Variants in SMARCA2 observed in about 807,000 individuals in gnomAD.
SMARCA2 encodes the protein SWI/SNF-related matrix-associated actin-dependent regulator of chromatin subfamily A member 2.
In SMARCA2, 61 loss-of-function variants were observed where a neutral mutation model predicts 199.8. The observed-to-expected ratio is 0.31, with a 90% CI of 0.25 to 0.38. The LOEUF is 0.38. Among genes scored for constraint, SMARCA2 ranks in the 10% least tolerant of loss-of-function variants. The pLI, the probability that SMARCA2 is intolerant of heterozygous loss-of-function variation, is 1.00. For synonymous variants in SMARCA2, 935 were observed against 732.0 expected, an observed-to-expected ratio of 1.28 and a Z score of -4.48; for missense variants, 1,344 against 2,012.2, an observed-to-expected ratio of 0.67 and a Z score of 6.35.
intron 27 of SMARCA2, among the ~76,000 whole-genome samples, chr9:2,154,434 T>C (rs987089155): frequency 1.3e-5 from 2 of 152,220 alleles, no homozygotes; most frequent in African/African-American, 2.4e-5. Context: ...TTTACGTGTT[T>C]TCCTCTCTCA....
At chr9:2,182,418 A>G (rs1586807338) in intron 31 of SMARCA2, among the ~76,000 whole-genome samples, 176 bp downstream of exon 31, 1 of 148,256 alleles carries the variant, frequency 6.7e-6, no homozygotes, top group Non-Finnish European at 1.5e-5. Flanking sequence ...GCATCTGCAG[A>G]TTACCTTTGT....
Position 2,160,093 on chromosome 9 carries a change from G to A in SMARCA2, c.3982-1593G>A, listed in dbSNP as rs1253398878. The A allele has an allele frequency of 9.7e-6, 7 of 721,776 alleles. No individual in the cohort carries two copies. The East Asian group carries it at 1.1e-4, about 11-fold the overall frequency. 44.7% of individuals were successfully genotyped at this position (721,776 alleles called of 1,614,324 possible). A position where few individuals can be genotyped will look rare whatever the true frequency, so the allele number is the denominator to read the frequency against. On this transcript the variant is annotated intron_variant, in intron 27 of 33. Transcript: ENST00000349721. ...GCTGTATTTATTATTAGCATGTTCA[G>A]CCTCCAAGATATGCGGGACAATTTC...
Position 2,179,593 on chromosome 9 carries a change from A to G in SMARCA2, c.4254-1978A>G, listed in dbSNP as rs998141827. On this transcript the variant is annotated intron_variant, in intron 29 of 33. Transcript: ENST00000349721. ...TACTGAAGACAGAGATGTCATACCTAGATTGTTTTAGCCTTACCCCTTAGA... is the reference window on the plus strand; with the variant it reads ...TACTGAAGACAGAGATGTCATACCTGGATTGTTTTAGCCTTACCCCTTAGA... Among the ~76,000 whole-genome samples, 18 of 152,196 alleles carry G rather than the reference A, an allele frequency of 1.2e-4. 1 individual carries two copies. Among genetic ancestry groups the G allele is most frequent in the African/African-American group, 4.1e-4 (17 of 41,446 alleles).
At chr9:2,081,704 T>G in intron 14 of SMARCA2, 128 bp from the exon 15 acceptor site, 1 of 719,308 alleles carries the variant, frequency 1.4e-6, no homozygotes, top group South Asian at 1.9e-5. Context: ...GCTTCCCCCA[T>G]TTTCCTACTG....
chr9:2,046,859 G>A (rs1586644079), intron 4 of SMARCA2, among the ~76,000 whole-genome samples: 1 of 152,316 alleles, frequency 6.6e-6, no homozygotes, highest in African/African-American at 2.4e-5. Flanking sequence ...CCATTGCAGA[G>A]CTACATTAAA....
intron 29 of SMARCA2, among the ~76,000 whole-genome samples, chr9:2,174,648 A>G (rs115668395): frequency 6.6e-6 from 1 of 152,152 alleles, no homozygotes; most frequent in Non-Finnish European, 1.5e-5. Context: ...GGCCAGGCAC[A>G]GTGGCTCACA....
chr9:2,173,617 T>C (rs1826378456), intron 29 of SMARCA2, among the ~76,000 whole-genome samples: 1 of 152,188 alleles, frequency 6.6e-6, no homozygotes, highest in South Asian at 2.1e-4. Flanking sequence ...AGCAGCCTCC[T>C]GAGGTCAGCG....
At chr9:2,158,793 C>A in intron 27 of SMARCA2, 1 of 571,248 alleles carries the variant, frequency 1.8e-6, no homozygotes, top group Non-Finnish European at 2.9e-6. Context: ...TAATCTTACT[C>A]TACTCTTTAT....
intron 27 of SMARCA2, among the ~76,000 whole-genome samples, chr9:2,140,964 C>T (rs542805671): frequency 3.3e-5 from 5 of 152,070 alleles, no homozygotes; most frequent in South Asian, 4.2e-4. Context: ...CTCACACTGG[C>T]GCAGTGATTT....
chr9:2,034,328 AG>A (rs143864778), intron 3 of SMARCA2, among the ~76,000 whole-genome samples: 343 of 150,820 alleles, frequency 2.3e-3, no homozygotes, highest in African/African-American at 8.0e-3. Flanking sequence ...TATTTGGAGG[AG>A]GGGGAACACA....
At chr9:2,165,266 A>C (rs1825880537) in intron 28 of SMARCA2, among the ~76,000 whole-genome samples, 1 of 152,350 alleles carries the variant, frequency 6.6e-6, no homozygotes, top group East Asian at 1.9e-4. Flanking sequence ...ATATAAGAAG[A>C]ATTAATTAGC....
intron 5 of SMARCA2, 82 bp downstream of exon 5, chr9:2,047,566 C>G: frequency 8.4e-7 from 1 of 1,197,146 alleles, no homozygotes; most frequent in Admixed American, 4.5e-5. Flanking sequence ...GCGCCTGCCT[C>G]CTTGGTTGGC....
chr9:2,054,604 G>T lies in SMARCA2; in HGVS notation c.1054G>T (p.Ala352Ser). The T allele has an allele frequency of 1.2e-6, 2 of 1,613,460 alleles. No homozygotes were observed. The highest frequency in any genetic ancestry group is 2.2e-5 in the East Asian group (1 of 44,860). Residue 352 changes from alanine (A) to serine (S), a missense_variant, in exon 6 of 34, where the codon GCC becomes TCC. Around this residue, in one of 18 missense-constraint regions of SMARCA2, gnomAD observed 155 missense variants for 260.0 expected, o/e 0.60. Transcript: ENST00000349721. Reference protein sequence around the residue: ...ILQEREYRLQARIAHRIQELE... With the variant: ...ILQEREYRLQSRIAHRIQELE... ...TTTTATTGTTTCCTTTAGACTTCAG[G>T]CCCGCATAGCTCATAGGATACAAGA...
At chr9:2,015,801 A>G (rs1198072162) in intron 1 of SMARCA2, among the ~76,000 whole-genome samples, 1 of 152,214 alleles carries the variant, frequency 6.6e-6, no homozygotes, top group East Asian at 1.9e-4. Context: ...TGCCAACTCA[A>G]GGTTGCAACA....
chr9:2,187,327 G>A (rs542913984), intron 32 of SMARCA2, among the ~76,000 whole-genome samples: 1 of 152,076 alleles, frequency 6.6e-6, no homozygotes. Context: ...AGTTCCAGCC[G>A]TGACTGATAA....
chr9:2,112,986 A>C (rs1823068652), intron 24 of SMARCA2, among the ~76,000 whole-genome samples: 2 of 152,212 alleles, frequency 1.3e-5, no homozygotes, highest in Non-Finnish European at 2.9e-5. Flanking sequence ...TTTAGGTTTC[A>C]GTTTGAATAC....
chr9:2,023,567 C>G (rs1323160504), intron 1 of SMARCA2, among the ~76,000 whole-genome samples: 1 of 152,164 alleles, frequency 6.6e-6, no homozygotes, highest in East Asian at 1.9e-4. Context: ...TCTGACAGAT[C>G]ACATTATGCA....
At chr9:2,023,902 C>T (rs1395714236) in intron 1 of SMARCA2, among the ~76,000 whole-genome samples, 1 of 152,218 alleles carries the variant, frequency 6.6e-6, no homozygotes, top group African/African-American at 2.4e-5. Flanking sequence ...GAACTCTTAT[C>T]TTAACTATCT....
At chr9:2,122,121 A>G (rs1007905463) in intron 26 of SMARCA2, among the ~76,000 whole-genome samples, 12 of 152,222 alleles carry the variant, frequency 7.9e-5, no homozygotes, top group African/African-American at 2.9e-4. Flanking sequence ...TAAAAGAAAA[A>G]AGAAACAAGT....
Sources: gnomAD v4.1 joint callset for allele counts (sites outside exome capture counted in the v4.1 genomes callset) on GRCh38, gnomAD v4.1.1 for gene constraint, gnomAD v4.1.1 regional missense constraint, MANE v1.5 for transcripts, NCBI Gene and HGNC (gene_info 2026-07-23, HGNC 2026-07-21) for gene names.